CUX2: variants seen among roughly 807,000 people sequenced by gnomAD.
CUX2 encodes cut like homeobox 2, also known as homeobox protein cut-like 2.
A neutral mutation model predicts 144.8 loss-of-function variants in CUX2; 40 were observed. The ratio of observed to expected loss-of-function variants is 0.28; its 90% CI spans 0.21 to 0.36. CUX2 has a LOEUF of 0.36. CUX2 is among the 10% of genes least tolerant of loss of function. The pLI, the probability that CUX2 is intolerant of heterozygous loss-of-function variation, is 1.00. For missense variants in CUX2, 1,615 were observed against 1,994.0 expected (o/e 0.81, Z 3.62); for synonymous variants, 827 against 875.6 (o/e 0.94, Z 0.98).
At chr12:111,105,641 CT>C (rs1457522443) in intron 1 of CUX2, among the ~76,000 whole-genome samples, 7 of 152,156 alleles carry the variant, frequency 4.6e-5, no homozygotes, top group Admixed American at 1.3e-4. Context: ...ATAACTGGGA[CT>C]TTGGAGCCAC....
At chr12:111,124,517 G>T (rs1366281951) in intron 1 of CUX2, among the ~76,000 whole-genome samples, 2 of 152,228 alleles carry the variant, frequency 1.3e-5, no homozygotes, top group Admixed American at 1.3e-4. Flanking sequence ...GTCAAACAAG[G>T]CAGGTCAGAT....
At chr12:111,318,315 C>G (rs1179457959) in intron 16 of CUX2, among the ~76,000 whole-genome samples, 1 of 142,534 alleles carries the variant, frequency 7.0e-6, no homozygotes, top group African/African-American at 2.7e-5. Context: ...GTCTTGAGCT[C>G]CTGGGCTCCA....
At chr12:111,256,696 T>A (rs999006922) in intron 3 of CUX2, among the ~76,000 whole-genome samples, 1 of 152,184 alleles carries the variant, frequency 6.6e-6, no homozygotes, top group Non-Finnish European at 1.5e-5. Flanking sequence ...TGGGCACCGA[T>A]ACCACCTCTG....
chr12:111,134,620 C>CTCTGTGTGTGTGTGTG lies in CUX2; in HGVS notation c.64-79579_64-79578insCTGTGTGTGTGTGTGT, dbSNP rs1026548098. Reference sequence around the variant, plus strand: ...TCTCTCTCTCTCTCTCTCTCTCTCTCTGTGTGTGTGTGTGTGTGTGTGTGT... The same window carrying CTCTGTGTGTGTGTGTG: ...TCTCTCTCTCTCTCTCTCTCTCTCTCTCTGTGTGTGTGTGTGTGTGTGTGTGTGTGTGTGTGTGTGT... On this transcript the variant is annotated intron_variant, in intron 1 of 21. Coordinates refer to ENST00000261726, the MANE Select transcript of CUX2 (RefSeq NM_015267.4). 6.3e-4 allele frequency among the ~76,000 whole-genome samples: 89 copies of CTCTGTGTGTGTGTGTG among 142,198 alleles called. 1 individual carries two copies. Among genetic ancestry groups the CTCTGTGTGTGTGTGTG allele is most frequent in the Middle Eastern group, 7.1e-3 (2 of 282 alleles). 93.3% of individuals were successfully genotyped at this position (142,198 alleles called of 152,430 possible).
chr12:111,319,960 C>A (rs1887424323), intron 16 of CUX2, 52 bp from the exon 17 acceptor site: 2 of 1,418,438 alleles, frequency 1.4e-6, no homozygotes, highest in Non-Finnish European at 9.2e-7. Flanking sequence ...TCGTCCCCTG[C>A]ATGCCGAGCC....
rs1308571845 is a variant in CUX2 at position 111,160,667 on chromosome 12, G to GA, written c.64-53532dup. 6.6e-6 allele frequency among the ~76,000 whole-genome samples: 1 copy of GA among 152,210 alleles called. No individual in the cohort carries two copies. Among genetic ancestry groups the GA allele is most frequent in the African/African-American group, 2.4e-5 (1 of 41,448 alleles). On this transcript the variant is annotated intron_variant, in intron 1 of 21. Coordinates refer to ENST00000261726, the MANE Select transcript of CUX2 (RefSeq NM_015267.4). The surrounding 1 kb of genome is among the most constrained non-coding windows in gnomAD (Gnocchi z 4.1). ...CCAATGGAGGGCTATGCAGAGGAGT[G>GA]ACGCAGTCCAGTGGCATTTTCAGGG...
Position 111,263,172 on chromosome 12 carries a change from A to G in CUX2, c.223-589A>G, listed in dbSNP as rs1884214187. Among the ~76,000 whole-genome samples the G allele has an allele frequency of 6.6e-6, 1 of 152,136 alleles. No homozygotes were observed. The highest frequency in any genetic ancestry group is 1.5e-5 in the Non-Finnish European group (1 of 68,034). ...TGCCCCTCCCCTATCCCATGTTTGCACAAGTAGAAAATGACTAAGGCCAGG... is the reference window on the plus strand; with the variant it reads ...TGCCCCTCCCCTATCCCATGTTTGCGCAAGTAGAAAATGACTAAGGCCAGG... On this transcript the variant is annotated intron_variant, in intron 3 of 21. Transcript: ENST00000261726. The surrounding 1 kb of genome is among the most constrained non-coding windows in gnomAD (Gnocchi z 4.0).
In CUX2 at chr12:111,081,673, A is replaced by T. The variant is rs192208389; in HGVS notation, c.63+47433A>T. On this transcript the variant is annotated intron_variant, in intron 1 of 21. Transcript: ENST00000261726. Reference sequence around the variant, plus strand: ...TGGGAGAAGTTAGGATGAGGTGAGGAGGGGACCCCAAAGAGAATAAGGAGT... The same window carrying T: ...TGGGAGAAGTTAGGATGAGGTGAGGTGGGGACCCCAAAGAGAATAAGGAGT... 6.6e-4 allele frequency among the ~76,000 whole-genome samples: 101 copies of T among 152,288 alleles called. 1 individual carries two copies. The highest frequency in any genetic ancestry group is 7.6e-4 in the Non-Finnish European group (52 of 68,018).
rs1025321470 is a variant in CUX2 at position 111,035,694 on chromosome 12, C to G, written c.63+1454C>G. On this transcript the variant is annotated intron_variant, in intron 1 of 21. Transcript: ENST00000261726. This position sits in a 1 kb window ranked among gnomAD's most constrained non-coding sequence, Gnocchi z 6.0. The stretch of plus-strand genomic sequence containing the variant: ...GGTTCCAGCACCCGCGCCTTCTCCC[C>G]GTCCTGGCCGCTTCCCAGTCCCCGT... 2.6e-5 allele frequency among the ~76,000 whole-genome samples: 4 copies of G among 151,738 alleles called. No individual in the cohort carries two copies. Among genetic ancestry groups the G allele is most frequent in the Non-Finnish European group, 2.9e-5 (2 of 67,990 alleles).
chr12:111,328,057 CAA>C (rs1395591764), intron 18 of CUX2, among the ~76,000 whole-genome samples: 5 of 152,024 alleles, frequency 3.3e-5, no homozygotes, highest in Non-Finnish European at 7.4e-5. Flanking sequence ...GACCCTGTCT[CAA>C]AAACAATAAT....
chr12:111,113,247 G>A (rs1456898506), intron 1 of CUX2, among the ~76,000 whole-genome samples: 1 of 152,210 alleles, frequency 6.6e-6, no homozygotes, highest in Non-Finnish European at 1.5e-5. Flanking sequence ...ATTCTCTCCA[G>A]TAGATGGTGG....
chr12:111,036,316 C>T (rs941106271), intron 1 of CUX2, among the ~76,000 whole-genome samples: 1 of 152,032 alleles, frequency 6.6e-6, no homozygotes, highest in East Asian at 1.9e-4. Flanking sequence ...GGCTGCAGCC[C>T]GGGGAGAGGC....
chr12:111,148,216 T>C (rs531182046), intron 1 of CUX2, among the ~76,000 whole-genome samples: 1 of 152,314 alleles, frequency 6.6e-6, no homozygotes, highest in East Asian at 1.9e-4. Context: ...AAGGAAATTC[T>C]GACCAGGCAC....
rs367733707 is a variant in CUX2 at position 111,313,648 on chromosome 12, GA to G, written c.2002+1458del. Reference sequence around the variant, plus strand: ...CAAAAGCAAAACTCCATCTCAAAAAGAAAAAAAAAAATGGGGACTGTATTAG... The same window carrying G: ...CAAAAGCAAAACTCCATCTCAAAAAGAAAAAAAAAATGGGGACTGTATTAG... On this transcript the variant is annotated intron_variant, in intron 16 of 21. Coordinates refer to ENST00000261726, the MANE Select transcript of CUX2 (RefSeq NM_015267.4). Among the ~76,000 whole-genome samples, 490 of 142,966 alleles carry G rather than the reference GA, an allele frequency of 3.4e-3. 1 individual carries two copies. The highest frequency in any genetic ancestry group is 5.5e-3 in the Non-Finnish European group (356 of 64,898). 93.8% of individuals were successfully genotyped at this position (142,966 alleles called of 152,430 possible). A position where few individuals can be genotyped will look rare whatever the true frequency, so the allele number is the denominator to read the frequency against.
rs114726155 is a variant in CUX2 at position 111,233,212 on chromosome 12, A to G, written c.222+15275A>G. ...GGTCTGCTCCTGTGCCCTGGCCCCCAGTCTCTCCATATCTGCTCTGCCAAG... is the reference window on the plus strand; with the variant it reads ...GGTCTGCTCCTGTGCCCTGGCCCCCGGTCTCTCCATATCTGCTCTGCCAAG... On this transcript the variant is annotated intron_variant, in intron 3 of 21. Transcript: ENST00000261726. Among the ~76,000 whole-genome samples the G allele has an allele frequency of 1.9e-3, 287 of 152,226 alleles. 1 individual carries two copies. Among genetic ancestry groups the G allele is most frequent in the African/African-American group, 6.4e-3 (267 of 41,546 alleles).
intron 1 of CUX2, among the ~76,000 whole-genome samples, chr12:111,202,431 C>T (rs1027934128): frequency 3.3e-5 from 5 of 152,216 alleles, no homozygotes. Flanking sequence ...TGATTGGCAT[C>T]CTCTCTCAAG....
intron 18 of CUX2, among the ~76,000 whole-genome samples, chr12:111,329,204 G>A (rs577611771): frequency 2.0e-5 from 3 of 150,974 alleles, no homozygotes; most frequent in South Asian, 2.1e-4. Context: ...GGAAAGTCGC[G>A]GGCAGACTGG....
At chr12:111,235,241 C>A (rs1882681644) in intron 3 of CUX2, among the ~76,000 whole-genome samples, 1 of 152,104 alleles carries the variant, frequency 6.6e-6, no homozygotes, top group Admixed American at 6.5e-5. Context: ...CACACATGGG[C>A]AGGACACCAG....
intron 1 of CUX2, among the ~76,000 whole-genome samples, chr12:111,107,804 A>G (rs1873702086): frequency 1.3e-5 from 2 of 152,186 alleles, no homozygotes. Context: ...TCATTTTGAG[A>G]TAATTTCAAA....
Sources: allele counts gnomAD v4.1 joint callset (sites outside exome capture counted in the v4.1 genomes callset), GRCh38; gene constraint gnomAD v4.1.1; non-coding constraint Gnocchi (gnomAD v3.1); transcripts MANE v1.5; gene names NCBI Gene and HGNC (gene_info 2026-07-23, HGNC 2026-07-21).